The following ENOX1 variants were observed in gnomAD, a reference collection of about 807,000 sequenced individuals.
ENOX1 encodes the protein ecto-NOX disulfide-thiol exchanger 1.
Under a neutral mutation model 82.5 loss-of-function variants are expected in ENOX1, and 42 were observed. The ratio of observed to expected loss-of-function variants is 0.51; its 90% confidence interval spans 0.40 to 0.66. ENOX1 has a LOEUF of 0.66. Ranked by LOEUF, ENOX1 falls within the 30% of genes least tolerant of loss-of-function variation. ENOX1 has a pLI of 0.00. For synonymous variants in ENOX1, 271 were observed against 282.2 expected (o/e 0.96, Z 0.40); for missense variants, 608 against 811.6 (o/e 0.75, Z 3.05).
At chr13:43,398,656 T>C (rs2053301656) in intron 5 of ENOX1, among the ~76,000 whole-genome samples, 2 of 152,094 alleles carry the variant, frequency 1.3e-5, no homozygotes, top group South Asian at 4.2e-4. Flanking sequence ...CTTCCACCTC[T>C]GACACCCCTG....
chr13:43,744,982 T>G lies in ENOX1; in HGVS notation c.-285+41670A>C, dbSNP rs577886908. Among the ~76,000 whole-genome samples, 14 of 152,294 alleles carry G rather than the reference T, an allele frequency of 9.2e-5. No homozygotes were observed. In the East Asian group the frequency reaches 2.5e-3, roughly 27 times the overall value. On this transcript the variant is annotated intron_variant, in intron 1 of 16. Coordinates refer to ENST00000690772, the MANE Select transcript of ENOX1 (RefSeq NM_001347969.2). ...GGCATTGCAATGTGAAGGAAATTCT[T>G]AGGGAGAAAACTGGAAAACATTCAC... is the stretch of plus-strand genomic sequence containing the variant.
intron 12 of ENOX1, among the ~76,000 whole-genome samples, chr13:43,293,840 A>G (rs2046145385): frequency 6.6e-6 from 1 of 152,206 alleles, no homozygotes; most frequent in Non-Finnish European, 1.5e-5. Context: ...GTATTTTAGG[A>G]AAGTAGTAAT....
At chr13:43,294,430 A>G (rs546895107) in intron 12 of ENOX1, among the ~76,000 whole-genome samples, 2 of 152,234 alleles carry the variant, frequency 1.3e-5, no homozygotes, top group African/African-American at 4.8e-5. Flanking sequence ...CCATAATGAG[A>G]TATCACTATA....
chr13:43,573,991 G>A (rs1445853887), intron 2 of ENOX1, among the ~76,000 whole-genome samples: 1 of 152,188 alleles, frequency 6.6e-6, no homozygotes, highest in African/African-American at 2.4e-5. Context: ...GAAAACCACT[G>A]TTTGGGTGGT....
chr13:43,470,297 C>G (rs866397664), intron 3 of ENOX1, among the ~76,000 whole-genome samples: 1 of 37,932 alleles, frequency 2.6e-5, no homozygotes, highest in South Asian at 7.3e-4. Context: ...TATATATACA[C>G]ATATATATAC....
intron 2 of ENOX1, chr13:43,546,922 T>C (rs1169964564): frequency 6.6e-6 from 1 of 152,268 alleles, no homozygotes; most frequent in Non-Finnish European, 1.5e-5. Context: ...TTGGATTCTC[T>C]GGAAGTGAGT....
chr13:43,573,175 A>G (rs1263967032), intron 2 of ENOX1, among the ~76,000 whole-genome samples: 2 of 152,178 alleles, frequency 1.3e-5, no homozygotes, highest in Non-Finnish European at 2.9e-5. Flanking sequence ...CTTGCATGCT[A>G]ATGACTGCCG....
chr13:43,475,794 C>CAAAAAAAAAAAAAAAAAAAAAAAA (rs10624980), intron 3 of ENOX1, among the ~76,000 whole-genome samples: 16 of 70,938 alleles, frequency 2.3e-4, no homozygotes, highest in South Asian at 6.7e-4. Flanking sequence ...CATAACTGAC[C>CAAAAAAAAAAAAAAAAAAAAAAAA]AAAAAAAAAA....
chr13:43,786,698 G>GGGCGCCGGGCGC lies in ENOX1; in HGVS notation c.-343_-332dup, dbSNP rs1952655141. ...CGGAGGCAACCCGCTGCGCGGAGTGGGGCGCCGGGCGCGGCGCGGCTCCTC... is the reference window on the plus strand; with the variant it reads ...CGGAGGCAACCCGCTGCGCGGAGTGGGGCGCCGGGCGCGGCGCCGGGCGCGGCGCGGCTCCTC... On this transcript the variant is annotated 5_prime_UTR_variant, in exon 1 of 17. Transcript: ENST00000690772. This position sits in a 1 kb window ranked among gnomAD's most constrained non-coding sequence, Gnocchi z 6.0. 6.6e-6 allele frequency: 1 copy of GGGCGCCGGGCGC among 152,196 alleles called. No homozygotes were observed. Among genetic ancestry groups the GGGCGCCGGGCGC allele is most frequent in the African/African-American group, 2.4e-5 (1 of 41,392 alleles). 9.4% of individuals were successfully genotyped at this position (152,196 alleles called of 1,614,324 possible).
intron 11 of ENOX1, among the ~76,000 whole-genome samples, chr13:43,316,629 C>A (rs1429027255): frequency 3.3e-5 from 5 of 149,810 alleles, no homozygotes; most frequent in African/African-American, 1.2e-4. Context: ...AAGCAATTTA[C>A]AAAAAAAAAA....
At chr13:43,420,100 C>G (rs912866679) in intron 3 of ENOX1, among the ~76,000 whole-genome samples, 12 of 152,198 alleles carry the variant, frequency 7.9e-5, no homozygotes, top group African/African-American at 2.9e-4. Context: ...ACATTTCCTT[C>G]CAAAGTTCAC....
chr13:43,608,909 C>T (rs2082083204), intron 2 of ENOX1, among the ~76,000 whole-genome samples: 1 of 152,174 alleles, frequency 6.6e-6, no homozygotes, highest in African/African-American at 2.4e-5. Context: ...CCTCCTCTAA[C>T]GTCAGTGTCA....
chr13:43,638,606 T>C (rs1373843172), intron 2 of ENOX1, among the ~76,000 whole-genome samples: 2 of 152,206 alleles, frequency 1.3e-5, no homozygotes, highest in Non-Finnish European at 2.9e-5. Flanking sequence ...TTTTAAAATA[T>C]CCATGTGTCT....
intron 9 of ENOX1, among the ~76,000 whole-genome samples, chr13:43,338,873 G>C (rs1464975602): frequency 6.6e-6 from 1 of 151,914 alleles, no homozygotes; most frequent in Non-Finnish European, 1.5e-5. Context: ...TTTTAGTAGA[G>C]ACGGGGTTTC....
In ENOX1 at chr13:43,667,584, C is replaced by T. The variant is rs1030017504; in HGVS notation, c.-284-40G>A. On this transcript the variant is annotated intron_variant, in intron 1 of 16. Transcript: ENST00000690772. ...CCATCTTGTTAGAAAAAACTTCAAA[C>T]ATCAATTTCAGAGAGCTGACTGAAC... The T allele has an allele frequency of 2.3e-5, 17 of 750,528 alleles. No individual in the cohort carries two copies. In the African/African-American group the frequency reaches 2.5e-4, roughly 11 times the overall value. The allele number at this position is 750,528 out of a possible 1,614,324, so 46.5% of individuals were successfully genotyped here.
chr13:43,307,990 G>A (rs1230057205), intron 11 of ENOX1, among the ~76,000 whole-genome samples: 1 of 152,170 alleles, frequency 6.6e-6, no homozygotes, highest in Non-Finnish European at 1.5e-5. Context: ...CTCTAGATTC[G>A]CAGAGGCTTT....
intron 1 of ENOX1, among the ~76,000 whole-genome samples, chr13:43,730,793 C>T (rs546536932): frequency 4.6e-4 from 70 of 152,310 alleles, no homozygotes; most frequent in Non-Finnish European, 5.0e-4. Flanking sequence ...GTCTGTGCAG[C>T]TTCTGACCTG....
intron 2 of ENOX1, among the ~76,000 whole-genome samples, chr13:43,525,295 C>G (rs887107695): frequency 2.0e-5 from 3 of 152,134 alleles, no homozygotes; most frequent in Non-Finnish European, 4.4e-5. Flanking sequence ...TGGCAACCAC[C>G]ATTCTACTTT....
intron 15 of ENOX1, among the ~76,000 whole-genome samples, chr13:43,224,814 A>C (rs1487772773): frequency 6.6e-6 from 1 of 152,244 alleles, no homozygotes; most frequent in Non-Finnish European, 1.5e-5. Context: ...CATCGTGCAA[A>C]TCAGCTGTCA....
Sources: gnomAD v4.1 joint callset for allele counts (sites outside exome capture counted in the v4.1 genomes callset) on GRCh38, gnomAD v4.1.1 for gene constraint, Gnocchi (gnomAD v3.1) non-coding constraint, MANE v1.5 for transcripts, NCBI Gene and HGNC (gene_info 2026-07-23, HGNC 2026-07-21) for gene names.